The following GSR variants were observed in gnomAD, a reference collection of about 807,000 sequenced individuals.
GSR encodes glutathione reductase, mitochondrial.
In GSR, 48 loss-of-function variants were observed where a neutral mutation model predicts 56.5. The observed-to-expected ratio is 0.85, with a 90% CI of 0.67 to 1.08. GSR has a LOEUF of 1.08. Among genes scored for constraint, GSR ranks in the 50% least tolerant of loss-of-function variants. The pLI is 0.00. For synonymous variants in GSR, 264 were observed against 270.8 expected, an observed-to-expected ratio of 0.97 and a Z score of 0.25; for missense variants, 694 against 703.3, an observed-to-expected ratio of 0.99 and a Z score of 0.15.
chr8:30,718,424 G>A (rs1804417302), intron 1 of GSR, among the ~76,000 whole-genome samples: 1 of 152,156 alleles, frequency 6.6e-6, no homozygotes, highest in South Asian at 2.1e-4. Flanking sequence ...TTTTGAGCAG[G>A]TCAGAGATAA....
chr8:30,700,276 G>A, intron 5 of GSR, 141 bp from the exon 6 acceptor site: 1 of 713,972 alleles, frequency 1.4e-6, no homozygotes, highest in Admixed American at 2.0e-5. Flanking sequence ...GTCTCTGCTT[G>A]GAAAGCTGCC....
chr8:30,709,623 G>A (rs1209944383), intron 3 of GSR, among the ~76,000 whole-genome samples, 191 bp downstream of exon 3: 7 of 152,124 alleles, frequency 4.6e-5, no homozygotes, highest in Non-Finnish European at 8.8e-5. Context: ...GGTAATAGTG[G>A]TGACGACTGT....
chr8:30,680,813 T>A (rs1412370117), intron 12 of GSR, 91 bp downstream of exon 12: 2 of 1,157,754 alleles, frequency 1.7e-6, no homozygotes, highest in Non-Finnish European at 2.6e-6. Flanking sequence ...AAGGCTCAAC[T>A]GCTTGGTCTC....
intron 1 of GSR, among the ~76,000 whole-genome samples, chr8:30,720,039 G>A (rs575396569): frequency 3.9e-5 from 6 of 151,924 alleles, no homozygotes; most frequent in Admixed American, 2.0e-4. Context: ...GTAAGGCCTC[G>A]TCTCCACAAA....
At chr8:30,696,576 C>A in intron 6 of GSR, 97 bp from the exon 7 acceptor site, 1 of 802,176 alleles carries the variant, frequency 1.2e-6, no homozygotes, top group East Asian at 2.5e-5. Context: ...AGAGATTTCC[C>A]TTATTATACC....
chr8:30,686,427 TG>T, intron 9 of GSR, among the ~76,000 whole-genome samples: 1 of 152,166 alleles, frequency 6.6e-6, no homozygotes, highest in South Asian at 2.1e-4. Context: ...GGCTCATGCC[TG>T]TAATCCCAGC....
At chr8:30,719,353 T>A (rs991366231) in intron 1 of GSR, among the ~76,000 whole-genome samples, 3 of 151,978 alleles carry the variant, frequency 2.0e-5, no homozygotes, top group South Asian at 2.1e-4. Context: ...ACTGACCTCA[T>A]GATCCGCCCA....
At chr8:30,720,882 G>A (rs1408706481) in intron 1 of GSR, among the ~76,000 whole-genome samples, 1 of 151,976 alleles carries the variant, frequency 6.6e-6, no homozygotes, top group Non-Finnish European at 1.5e-5. Context: ...TAGCACTTTT[G>A]ACGGGTCAAG....
chr8:30,720,530 T>G (rs1804497483), intron 1 of GSR, among the ~76,000 whole-genome samples: 1 of 152,184 alleles, frequency 6.6e-6, no homozygotes, highest in Non-Finnish European at 1.5e-5. Context: ...ACACCAACCA[T>G]GACTAAATAT....
chr8:30,718,328 C>T (rs1309174470), intron 1 of GSR, among the ~76,000 whole-genome samples: 1 of 152,110 alleles, frequency 6.6e-6, no homozygotes, highest in African/African-American at 2.4e-5. Context: ...GTTTGACTCT[C>T]AGCTCTCCCA....
intron 1 of GSR, among the ~76,000 whole-genome samples, chr8:30,713,985 A>C (rs59127709): frequency 0.031 from 4,727 of 152,248 alleles, 229 homozygotes; most frequent in African/African-American, 0.1. Flanking sequence ...TAAAAGGGCA[A>C]GGTAGATTTC....
intron 9 of GSR, among the ~76,000 whole-genome samples, chr8:30,686,057 C>T (rs1410197243): frequency 6.7e-6 from 1 of 148,642 alleles, no homozygotes; most frequent in African/African-American, 2.5e-5. Context: ...CAAATCCTAG[C>T]TCTGCAACTT....
In GSR at chr8:30,681,091, A is replaced by C. The variant is rs1802940262; in HGVS notation, c.1286-54T>G. 5.6e-6 allele frequency: 8 copies of C among 1,438,308 alleles called. No individual in the cohort carries two copies. The Admixed American group carries it at 1.3e-4, about 24-fold the overall frequency. 89.1% of individuals were successfully genotyped at this position (1,438,308 alleles called of 1,614,324 possible). ...TCAGAAAACTAAACAATTACACTGA[A>C]CTATCAAAGAGGGAGATGACCAGAA... On this transcript the variant is annotated intron_variant, in intron 11 of 12. Coordinates refer to ENST00000221130, the MANE Select transcript of GSR (RefSeq NM_000637.5).
At chr8:30,691,418 C>G (rs1264412245) in intron 8 of GSR, among the ~76,000 whole-genome samples, 1 of 151,522 alleles carries the variant, frequency 6.6e-6, no homozygotes, top group Non-Finnish European at 1.5e-5. Context: ...CAGTAGCTCA[C>G]TCCTGTAATC....
intron 10 of GSR, among the ~76,000 whole-genome samples, chr8:30,683,315 T>A (rs932940787): frequency 6.6e-6 from 1 of 152,092 alleles, no homozygotes; most frequent in Non-Finnish European, 1.5e-5. Flanking sequence ...GTTTTCATCC[T>A]GATATAAGGC....
chr8:30,681,517 C>T (rs1171491434), intron 11 of GSR, among the ~76,000 whole-genome samples: 1 of 149,854 alleles, frequency 6.7e-6, no homozygotes, highest in Non-Finnish European at 1.5e-5. Context: ...AGTGGGAGAG[C>T]TTGTCTCAAA....
intron 9 of GSR, among the ~76,000 whole-genome samples, chr8:30,688,578 CAAAA>C (rs57690198): frequency 8.6e-5 from 7 of 81,538 alleles, no homozygotes; most frequent in East Asian, 3.5e-4. Flanking sequence ...GACCCTGTCT[CAAAA>C]AAAAAAAAAA....
chr8:30,709,989 G>GT (rs1804074702), intron 2 of GSR, 87 bp from the exon 3 acceptor site: 1 of 751,968 alleles, frequency 1.3e-6, no homozygotes, highest in South Asian at 1.6e-5. Flanking sequence ...TGGTAACTAG[G>GT]TAACAGCAGA....
In GSR at chr8:30,727,521, G is replaced by A. The variant is rs1002069801; in HGVS notation, c.306+9C>T. On this transcript the variant is annotated intron_variant, in intron 1 of 12. Transcript: ENST00000221130. The stretch of plus-strand genomic sequence containing the variant: ...GCGCCCCCCGCCCGAACAAACCGGC[G>A]GTACTCACGCAAGTGCCACCCAGCT... The A allele has an allele frequency of 6.5e-7, 1 of 1,536,450 alleles. No homozygotes were observed. The highest frequency in any genetic ancestry group is 8.7e-7 in the Non-Finnish European group (1 of 1,144,356).
Sources: gnomAD v4.1 joint callset for allele counts (sites outside exome capture counted in the v4.1 genomes callset) on GRCh38, gnomAD v4.1.1 for gene constraint, MANE v1.5 for transcripts, NCBI Gene and HGNC (gene_info 2026-07-23, HGNC 2026-07-21) for gene names.